The following GRIA1 variants were observed in gnomAD, a reference collection of about 807,000 sequenced individuals.
GRIA1 encodes the protein glutamate receptor 1.
GRIA1 carries 31 observed loss-of-function variants against 99.2 expected under a neutral mutation model. The ratio of observed to expected loss-of-function variants is 0.31; its 90% confidence interval spans 0.23 to 0.42. The LOEUF (loss-of-function observed/expected upper bound fraction) is 0.42, where lower values mean the gene tolerates loss of function less well. Ranked by LOEUF, GRIA1 falls within the 10% of genes least tolerant of loss-of-function variation. The probability of loss-of-function intolerance (pLI) is 1.00; values close to 1 mark genes in which losing one functional copy is unlikely to be tolerated. For synonymous variants in GRIA1, 438 were observed against 432.4 expected (o/e 1.01, Z -0.16); for missense variants, 782 against 1,157.5 (o/e 0.68, Z 4.71).
Position 153,647,012 on chromosome 5 carries a change from G to T in GRIA1, c.305G>T (p.Gly102Val). 1 of 1,613,856 alleles carries T rather than the reference G, an allele frequency of 6.2e-7. No homozygotes were observed. Among genetic ancestry groups the T allele is most frequent in the Non-Finnish European group, 8.5e-7 (1 of 1,179,858 alleles). ...RTVNMLTSFC[G>V]ALHVCFITPS... ...GTCAACATGCTGACCTCCTTTTGTG[G>T]GGCCCTCCACGTCTGCTTCATTACG... The change falls in exon 3 of 16, where the codon GGG becomes GTG. Residue 102 changes from glycine to valine, a missense_variant. Transcript: ENST00000285900.
At chr5:153,686,047 A>T (rs1279627591) in intron 7 of GRIA1, among the ~76,000 whole-genome samples, 178 bp from the exon 8 acceptor site, 3 of 152,198 alleles carry the variant, frequency 2.0e-5, no homozygotes, top group Non-Finnish European at 4.4e-5. Flanking sequence ...TAGGGAAAAG[A>T]GATCTGTAAT....
intron 2 of GRIA1, among the ~76,000 whole-genome samples, chr5:153,527,993 T>C (rs747108730): frequency 9.9e-5 from 15 of 152,186 alleles, no homozygotes; most frequent in East Asian, 1.9e-4. Context: ...CATTTGTAAA[T>C]TTTACTTTTT....
intron 11 of GRIA1, among the ~76,000 whole-genome samples, chr5:153,715,841 T>C (rs913017096): frequency 3.9e-5 from 6 of 152,192 alleles, no homozygotes; most frequent in African/African-American, 1.4e-4. Context: ...AATGTCCATC[T>C]TCACAATAGC....
At chr5:153,692,071 A>G (rs1042966269) in intron 8 of GRIA1, among the ~76,000 whole-genome samples, 4 of 152,108 alleles carry the variant, frequency 2.6e-5, no homozygotes, top group Non-Finnish European at 5.9e-5. Flanking sequence ...ACAGCCTCGC[A>G]CTTTCCTCAA....
intron 15 of GRIA1, among the ~76,000 whole-genome samples, chr5:153,809,425 T>C (rs1272669444): frequency 6.6e-6 from 1 of 152,208 alleles, no homozygotes; most frequent in Non-Finnish European, 1.5e-5. Flanking sequence ...CAAATCTGTC[T>C]GAATCATGGA....
intron 14 of GRIA1, 28 bp downstream of exon 14, chr5:153,794,763 C>T (rs1765535557): frequency 7.4e-7 from 1 of 1,344,188 alleles, no homozygotes; most frequent in Non-Finnish European, 1.1e-6. Context: ...AAAAAAAAAC[C>T]TAGTGGGTAT....
intron 5 of GRIA1, among the ~76,000 whole-genome samples, chr5:153,660,595 G>A (rs571794909): frequency 3.9e-5 from 6 of 152,300 alleles, no homozygotes; most frequent in African/African-American, 1.4e-4. Flanking sequence ...CTTGTCTACA[G>A]TAGCAGCAAT....
At position 153,553,549 on chromosome 5, in the gene GRIA1, T is replaced by G. The variant is rs148492328; in HGVS notation, c.220+59484T>G. The stretch of plus-strand genomic sequence containing the variant: ...ATTACTTCTCCACTGATTCTTCCAT[T>G]GGGATGGACTGTCCATATGCACAGT... On this transcript the variant is annotated intron_variant, in intron 2 of 15. Coordinates refer to ENST00000285900, the MANE Select transcript of GRIA1 (RefSeq NM_000827.4). 3.2e-3 allele frequency among the ~76,000 whole-genome samples: 486 copies of G among 152,202 alleles called. 6 individuals carry two copies. The highest frequency in any genetic ancestry group is 0.011 in the African/African-American group (463 of 41,538).
At chr5:153,785,902 T>G (rs1467037270) in intron 13 of GRIA1, among the ~76,000 whole-genome samples, 1 of 152,234 alleles carries the variant, frequency 6.6e-6, no homozygotes, top group Non-Finnish European at 1.5e-5. Context: ...TTTGTCTCCC[T>G]GATCTAATTC....
chr5:153,776,283 T>TCACAAG (rs1299096622), intron 13 of GRIA1, among the ~76,000 whole-genome samples: 3 of 152,168 alleles, frequency 2.0e-5, no homozygotes, highest in Admixed American at 6.5e-5. Flanking sequence ...ATCCTTCACT[T>TCACAAG]TAAAGCTGGG....
At chr5:153,644,001 T>C (rs1218300064) in intron 2 of GRIA1, among the ~76,000 whole-genome samples, 1 of 152,156 alleles carries the variant, frequency 6.6e-6, no homozygotes, top group Non-Finnish European at 1.5e-5. Flanking sequence ...AGGGAATAGA[T>C]CTGGATCATA....
intron 11 of GRIA1, among the ~76,000 whole-genome samples, chr5:153,754,506 G>A (rs1762697684): frequency 6.6e-6 from 1 of 152,182 alleles, no homozygotes. Context: ...AAAGAGAACA[G>A]GGAAGAAGGA....
In GRIA1 at chr5:153,754,697, C is replaced by T. The variant is rs968338713; in HGVS notation, c.1824-9737C>T. On this transcript the variant is annotated intron_variant, in intron 11 of 15. Transcript: ENST00000285900. ...GGACCATAAGCAGTTTTGGATTCTC[C>T]TCAGCCTGACAATTCTTCCCACGGT... is the stretch of plus-strand genomic sequence containing the variant. 3.3e-5 allele frequency among the ~76,000 whole-genome samples: 5 copies of T among 152,160 alleles called. No homozygotes were observed. In the East Asian group the frequency reaches 9.6e-4, roughly 29 times the overall value.
rs115732340 is a variant in GRIA1, at chr5:153,776,598, C to G, written c.2270+6183C>G. 6.1e-3 allele frequency among the ~76,000 whole-genome samples: 922 copies of G among 152,318 alleles called. 10 individuals carry two copies. Among genetic ancestry groups the G allele is most frequent in the African/African-American group, 0.021 (881 of 41,574 alleles). The stretch of plus-strand genomic sequence containing the variant: ...CTGGCCTTTATCAATTTTTTCATAT[C>G]ACATGAGCTCAGAATTGTTCATCAC... On this transcript the variant is annotated intron_variant, in intron 13 of 15. Transcript: ENST00000285900.
chr5:153,642,512 A>G (rs1158466205), intron 2 of GRIA1, among the ~76,000 whole-genome samples: 1 of 152,116 alleles, frequency 6.6e-6, no homozygotes, highest in Admixed American at 6.5e-5. Flanking sequence ...GGATCGCTTG[A>G]GACCAGCAGT....
At chr5:153,655,898 G>C (rs745433924) in intron 5 of GRIA1, 26 bp downstream of exon 5, 1 of 1,606,128 alleles carries the variant, frequency 6.2e-7, no homozygotes, top group Non-Finnish European at 8.5e-7. Context: ...CAGGCTCTCA[G>C]CTCAAGTCCT....
chr5:153,508,350 T>C (rs76870077), intron 2 of GRIA1, among the ~76,000 whole-genome samples: 1,762 of 152,294 alleles, frequency 0.012, 30 homozygotes, highest in African/African-American at 0.037. Flanking sequence ...AAATCTTTCA[T>C]GTAATTTAAT....
At position 153,679,273 on chromosome 5, in the gene GRIA1, CAAAT is replaced by C. The variant is rs947795429; in HGVS notation, c.1029+2128_1029+2131del. On this transcript the variant is annotated intron_variant, in intron 7 of 15. Transcript: ENST00000285900. ...GAGAAAAAGAGAGGAACAACTATCCCAAATAAATAAATAAATAAACAAACAAACA... is the reference window on the plus strand; with the variant it reads ...GAGAAAAAGAGAGGAACAACTATCCCAAATAAATAAATAAACAAACAAACA... 1.9e-4 allele frequency among the ~76,000 whole-genome samples: 28 copies of C among 148,448 alleles called. 1 individual carries two copies. The South Asian group carries it at 3.2e-3, about 17-fold the overall frequency.
chr5:153,646,480 T>C (rs751193331), intron 2 of GRIA1, among the ~76,000 whole-genome samples: 1 of 152,206 alleles, frequency 6.6e-6, no homozygotes, highest in Non-Finnish European at 1.5e-5. Context: ...ACCTTGAATA[T>C]GTTCATTAAA....
Sources: allele counts gnomAD v4.1 joint callset (sites outside exome capture counted in the v4.1 genomes callset), GRCh38; gene constraint gnomAD v4.1.1; transcripts MANE v1.5; gene names NCBI Gene and HGNC (gene_info 2026-07-23, HGNC 2026-07-21).